Variants in SHB observed in about 807,000 individuals in gnomAD.
SHB encodes SH2 domain-containing adapter protein B.
Under a neutral mutation model 52.3 loss-of-function variants are expected in SHB, and 20 were observed. That is an observed-to-expected ratio of 0.38 (90% CI 0.27 to 0.56). The LOEUF (loss-of-function observed/expected upper bound fraction) is 0.56, where lower values mean the gene tolerates loss of function less well. Ranked by LOEUF, SHB falls within the 20% of genes least tolerant of loss-of-function variation. The pLI is 0.71. For synonymous variants in SHB, 397 were observed against 316.5 expected, an observed-to-expected ratio of 1.25 and a Z score of -2.70; for missense variants, 825 against 723.3, an observed-to-expected ratio of 1.14 and a Z score of -1.61.
At chr9:37,928,375 C>T (rs1832274278) in intron 5 of SHB, among the ~76,000 whole-genome samples, 1 of 152,228 alleles carries the variant, frequency 6.6e-6, no homozygotes, top group African/African-American at 2.4e-5. Context: ...AGGGTGATCT[C>T]TTCCTACTGA....
intron 1 of SHB, among the ~76,000 whole-genome samples, chr9:38,017,074 A>G (rs1438438597): frequency 6.6e-6 from 1 of 152,238 alleles, no homozygotes; most frequent in African/African-American, 2.4e-5. Context: ...CCAATTAAAC[A>G]TGGCAAGTGT....
Position 38,068,259 on chromosome 9 carries a change from C to G in SHB, c.387G>C (p.Ser129=), listed in dbSNP as rs764579136. 4.8e-6 allele frequency: 7 copies of G among 1,446,728 alleles called. No individual in the cohort carries two copies. The highest frequency in any genetic ancestry group is 4.2e-5 in the South Asian group (3 of 71,786). 89.6% of individuals were successfully genotyped at this position (1,446,728 alleles called of 1,614,324 possible). Residue 129 remains serine (S), a synonymous_variant, in exon 1 of 6, where the codon TCG becomes TCC. Coordinates refer to ENST00000377707, the MANE Select transcript of SHB (RefSeq NM_003028.3). ...CCGCGGCGCCCGACGCGGACGAGGC[C>G]GAGAAGGCGCGCTGGACCCCGCCTG... ...GEPGGVQRAF[S]ASSASGAAGC... is the part of the protein sequence containing the mutation.
chr9:37,971,827 A>G (rs564074518), intron 3 of SHB, among the ~76,000 whole-genome samples: 28 of 152,256 alleles, frequency 1.8e-4, no homozygotes, highest in Non-Finnish European at 3.1e-4. Flanking sequence ...GAACAACTAA[A>G]TGTACAGGAG....
intron 4 of SHB, among the ~76,000 whole-genome samples, chr9:37,953,280 C>T (rs1361768064): frequency 1.3e-5 from 2 of 152,152 alleles, no homozygotes; most frequent in Non-Finnish European, 2.9e-5. Context: ...TGTTCATTCA[C>T]GCAACAGCTA....
chr9:38,038,490 T>C (rs1390895500), intron 1 of SHB, among the ~76,000 whole-genome samples: 1 of 152,182 alleles, frequency 6.6e-6, no homozygotes, highest in Non-Finnish European at 1.5e-5. Flanking sequence ...TCACTTTATC[T>C]TTTTGGTCCC....
At chr9:38,066,378 T>A (rs960346986) in intron 1 of SHB, among the ~76,000 whole-genome samples, 2 of 152,076 alleles carry the variant, frequency 1.3e-5, no homozygotes, top group South Asian at 4.1e-4. Flanking sequence ...GACCTCCAGG[T>A]TTCCCCAGTG....
intron 2 of SHB, among the ~76,000 whole-genome samples, chr9:38,015,100 C>A (rs1351885056): frequency 2.0e-5 from 3 of 152,244 alleles, no homozygotes; most frequent in Non-Finnish European, 2.9e-5. Context: ...TTGCTCCCAG[C>A]CACTCTCCTG....
intron 1 of SHB, among the ~76,000 whole-genome samples, chr9:38,049,305 T>C (rs1179234122): frequency 1.3e-5 from 2 of 149,904 alleles, no homozygotes; most frequent in African/African-American, 4.9e-5. Flanking sequence ...GCCCAGCCAA[T>C]ATCCTCACTG....
At chr9:37,950,011 A>C (rs1832546407) in intron 4 of SHB, among the ~76,000 whole-genome samples, 1 of 152,084 alleles carries the variant, frequency 6.6e-6, no homozygotes, top group Non-Finnish European at 1.5e-5. Context: ...ATAATAGCTC[A>C]CTGCTGCCTC....
At chr9:38,060,945 C>G (rs533526395) in intron 1 of SHB, among the ~76,000 whole-genome samples, 25 of 152,326 alleles carry the variant, frequency 1.6e-4, no homozygotes, top group East Asian at 1.2e-3. Flanking sequence ...CCACACAGCT[C>G]CTGATGGTGG....
chr9:38,007,346 A>G (rs1326232710), intron 2 of SHB, among the ~76,000 whole-genome samples: 1 of 152,254 alleles, frequency 6.6e-6, no homozygotes, highest in Non-Finnish European at 1.5e-5. Context: ...AAGAGAAATG[A>G]AGATGGGTGA....
At chr9:38,002,259 A>C (rs12380890) in intron 2 of SHB, among the ~76,000 whole-genome samples, 1 of 152,086 alleles carries the variant, frequency 6.6e-6, no homozygotes, top group Non-Finnish European at 1.5e-5. Flanking sequence ...TGAAGGCCAC[A>C]GTCTTGGAAG....
At chr9:38,007,491 C>T (rs1343648486) in intron 2 of SHB, among the ~76,000 whole-genome samples, 5 of 152,180 alleles carry the variant, frequency 3.3e-5, no homozygotes, top group African/African-American at 1.2e-4. Flanking sequence ...CACCCTGACG[C>T]CAAGGCAGCC....
chr9:38,039,875 T>G (rs7030600), intron 1 of SHB, among the ~76,000 whole-genome samples: 1,771 of 152,246 alleles, frequency 0.012, 32 homozygotes, highest in African/African-American at 0.04. Flanking sequence ...GGAGGAGAAA[T>G]GGGCCTCTCG....
At chr9:38,033,490 C>A (rs1432714094) in intron 1 of SHB, among the ~76,000 whole-genome samples, 1 of 152,114 alleles carries the variant, frequency 6.6e-6, no homozygotes, top group African/African-American at 2.4e-5. Context: ...TCGAGACCAG[C>A]CTGGACAATA....
At chr9:38,036,103 C>G (rs12352049) in intron 1 of SHB, among the ~76,000 whole-genome samples, 20,960 of 152,120 alleles carry the variant, frequency 0.14, 3,197 homozygotes, top group African/African-American at 0.37. Context: ...CTGCAGCACC[C>G]AGGCACAGAC....
intron 5 of SHB, among the ~76,000 whole-genome samples, chr9:37,924,335 G>A (rs1439844159): frequency 1.3e-5 from 2 of 152,238 alleles, no homozygotes; most frequent in Admixed American, 6.5e-5. Flanking sequence ...GCTGCCGGCC[G>A]CCGAGCAGGG....
intron 2 of SHB, among the ~76,000 whole-genome samples, chr9:37,980,344 A>T (rs1820709643): frequency 6.6e-6 from 1 of 152,264 alleles, no homozygotes; most frequent in African/African-American, 2.4e-5. Context: ...CTTCATCAGG[A>T]ATAGATTCTA....
At chr9:37,997,146 G>T (rs1008682684) in intron 2 of SHB, among the ~76,000 whole-genome samples, 2 of 152,202 alleles carry the variant, frequency 1.3e-5, no homozygotes, top group Non-Finnish European at 2.9e-5. Flanking sequence ...ACTAGTCATC[G>T]AACATCTTGG....
Sources: allele counts gnomAD v4.1 joint callset (sites outside exome capture counted in the v4.1 genomes callset), GRCh38; gene constraint gnomAD v4.1.1; transcripts MANE v1.5; gene names NCBI Gene and HGNC (gene_info 2026-07-23, HGNC 2026-07-21).